Variants in MNAT1 observed in about 807,000 individuals in gnomAD.
MNAT1 encodes MNAT1 component of CDK activating kinase, also known as CDK-activating kinase assembly factor MAT1.
Under a neutral mutation model 42.0 loss-of-function variants are expected in MNAT1, and 43 were observed. The ratio of observed to expected loss-of-function variants is 1.02; its 90% CI spans 0.80 to 1.32. The LOEUF (loss-of-function observed/expected upper bound fraction) is 1.32. MNAT1 is among the 40% of genes most tolerant of loss of function. The pLI is 0.00. For missense variants in MNAT1, 306 were observed against 350.4 expected (o/e 0.87, Z 1.01); for synonymous variants, 118 against 120.0 (o/e 0.98, Z 0.11).
intron 7 of MNAT1, among the ~76,000 whole-genome samples, chr14:60,913,669 C>G (rs1361151075): frequency 2.6e-5 from 4 of 152,126 alleles, no homozygotes; most frequent in Admixed American, 6.5e-5. Context: ...AATGCTGCTG[C>G]CTGATCATTC....
chr14:60,833,957 C>A (rs887967109), intron 6 of MNAT1, among the ~76,000 whole-genome samples: 8 of 152,118 alleles, frequency 5.3e-5, no homozygotes, highest in African/African-American at 1.7e-4. Flanking sequence ...TCTAGTTTAT[C>A]TTCGTAGAGG....
chr14:60,855,232 T>G (rs551792400), intron 6 of MNAT1, among the ~76,000 whole-genome samples: 3 of 152,210 alleles, frequency 2.0e-5, no homozygotes, highest in African/African-American at 7.2e-5. Context: ...AAGCCAGTGG[T>G]TCTTAGCTTC....
intron 3 of MNAT1, among the ~76,000 whole-genome samples, chr14:60,799,065 A>T (rs1208021077): frequency 6.6e-6 from 1 of 152,188 alleles, no homozygotes; most frequent in African/African-American, 2.4e-5. Flanking sequence ...TAATTTCTTT[A>T]CTAGAAAATC....
chr14:60,808,008 C>A (rs1466014242), intron 3 of MNAT1, among the ~76,000 whole-genome samples: 1 of 151,878 alleles, frequency 6.6e-6, no homozygotes. Flanking sequence ...AAAATTTAAA[C>A]AATTTTTTTA....
At chr14:60,860,266 A>G (rs1319893934) in intron 6 of MNAT1, among the ~76,000 whole-genome samples, 2 of 152,088 alleles carry the variant, frequency 1.3e-5, no homozygotes, top group South Asian at 2.1e-4. Context: ...AATAGTGGGT[A>G]GCATTTTGTA....
intron 3 of MNAT1, chr14:60,799,340 G>A: frequency 1.0e-6 from 1 of 985,326 alleles, no homozygotes; most frequent in Non-Finnish European, 1.2e-6. Flanking sequence ...TTAGAATGTA[G>A]ACTGAGAAGA....
At chr14:60,804,734 T>TG (rs2032315440) in intron 3 of MNAT1, among the ~76,000 whole-genome samples, 1 of 152,134 alleles carries the variant, frequency 6.6e-6, no homozygotes, top group Non-Finnish European at 1.5e-5. Context: ...TTGGTAGAGA[T>TG]GGGGCCTCAT....
At chr14:60,879,098 C>A (rs918676244) in intron 6 of MNAT1, among the ~76,000 whole-genome samples, 10 of 151,894 alleles carry the variant, frequency 6.6e-5, no homozygotes, top group African/African-American at 1.9e-4. Context: ...TCATCTTCAA[C>A]ATTTTCTTGC....
chr14:60,763,968 T>G (rs1233755705), intron 1 of MNAT1, among the ~76,000 whole-genome samples: 1 of 152,212 alleles, frequency 6.6e-6, no homozygotes, highest in Non-Finnish European at 1.5e-5. Context: ...TGGATTTATC[T>G]TTCCATGACA....
chr14:60,848,878 G>T (rs1357108565), intron 6 of MNAT1, among the ~76,000 whole-genome samples: 2 of 152,030 alleles, frequency 1.3e-5, no homozygotes, highest in Non-Finnish European at 2.9e-5. Context: ...TATTTGCATT[G>T]AGACATGTAT....
Position 60,796,280 on chromosome 14 carries a change from T to A in MNAT1, c.153T>A (p.Thr51=). Residue 51 remains threonine, a synonymous_variant, in exon 2 of 8, where the codon ACT becomes ACA. Transcript: ENST00000261245. The stretch of plus-strand genomic sequence containing the variant: ...CTGGAAACTGCCCTGAGTGTGGTAC[T>A]CCACTCAGAAAGAGCAACTTCAGGG... ...RGAGNCPECG[T]PLRKSNFRVQ... 1 of 1,612,666 alleles carries A rather than the reference T, an allele frequency of 6.2e-7. No individual in the cohort carries two copies.
intron 4 of MNAT1, 58 bp from the exon 5 acceptor site, chr14:60,811,929 A>G: frequency 7.3e-7 from 1 of 1,368,110 alleles, no homozygotes; most frequent in Admixed American, 2.3e-5. Flanking sequence ...AGAGTGTGGT[A>G]TATGATTGCT....
Position 60,876,086 on chromosome 14 carries a change from A to G in MNAT1, c.688-3628A>G, listed in dbSNP as rs1025711896. 2.0e-5 allele frequency among the ~76,000 whole-genome samples: 3 copies of G among 152,012 alleles called. No individual in the cohort carries two copies. In the East Asian group the frequency reaches 5.8e-4, roughly 29 times the overall value. On this transcript the variant is annotated intron_variant, in intron 6 of 7. Coordinates refer to ENST00000261245, the MANE Select transcript of MNAT1 (RefSeq NM_002431.4). ...TGGACATTTTTTATCAAATGGCAGG[A>G]GAATTTAGTGTCTGACAATTTATGA...
At chr14:60,805,271 G>A (rs560533942) in intron 3 of MNAT1, among the ~76,000 whole-genome samples, 1 of 151,434 alleles carries the variant, frequency 6.6e-6, no homozygotes, top group East Asian at 1.9e-4. Context: ...CAGATTCACA[G>A]CAAAATTGAG....
chr14:60,747,856 TTTTA>T (rs2029899123), intron 1 of MNAT1, among the ~76,000 whole-genome samples: 1 of 152,218 alleles, frequency 6.6e-6, no homozygotes, highest in Admixed American at 6.5e-5. Context: ...TACAAAAGTA[TTTTA>T]TTTATGTCCT....
intron 7 of MNAT1, among the ~76,000 whole-genome samples, chr14:60,922,436 A>G (rs2035681270): frequency 6.6e-6 from 1 of 152,178 alleles, no homozygotes; most frequent in Admixed American, 6.5e-5. Flanking sequence ...AGAGATGCAT[A>G]TGTTACCACA....
intron 7 of MNAT1, among the ~76,000 whole-genome samples, chr14:60,958,056 C>T (rs542124554): frequency 3.3e-5 from 5 of 152,252 alleles, no homozygotes; most frequent in African/African-American, 4.8e-5. Context: ...AGGCTGGTCT[C>T]GAACTTCCGA....
At chr14:60,898,971 A>C (rs1397686976) in intron 7 of MNAT1, among the ~76,000 whole-genome samples, 1 of 152,288 alleles carries the variant, frequency 6.6e-6, no homozygotes, top group South Asian at 2.1e-4. Flanking sequence ...ATTATTCTGC[A>C]TATGAATATC....
chr14:60,755,336 G>T (rs1373921536), intron 1 of MNAT1, among the ~76,000 whole-genome samples: 1 of 152,118 alleles, frequency 6.6e-6, no homozygotes, highest in Admixed American at 6.5e-5. Flanking sequence ...TGGAGACGGG[G>T]TTTCACCATG....
Sources: gnomAD v4.1 joint callset for allele counts (sites outside exome capture counted in the v4.1 genomes callset) on GRCh38, gnomAD v4.1.1 for gene constraint, MANE v1.5 for transcripts, NCBI Gene and HGNC (gene_info 2026-07-23, HGNC 2026-07-21) for gene names.